ANKRD13A: variants seen among roughly 807,000 people sequenced by gnomAD.
The protein encoded by ANKRD13A is ankyrin repeat domain 13A.
A neutral mutation model predicts 81.3 loss-of-function variants in ANKRD13A; 48 were observed. The observed-to-expected ratio is 0.59, with a 90% CI of 0.47 to 0.75. The LOEUF (loss-of-function observed/expected upper bound fraction) is 0.75. ANKRD13A is among the 30% of genes least tolerant of loss of function. The pLI, the probability that ANKRD13A is intolerant of heterozygous loss-of-function variation, is 0.00. For missense variants in ANKRD13A, 612 were observed against 734.0 expected (o/e 0.83, Z 1.92); for synonymous variants, 230 against 270.1 (o/e 0.85, Z 1.45).
At chr12:110,010,576 A>T (rs1890467169) in intron 1 of ANKRD13A, among the ~76,000 whole-genome samples, 1 of 152,174 alleles carries the variant, frequency 6.6e-6, no homozygotes, top group Non-Finnish European at 1.5e-5. Flanking sequence ...CCTTGGGAAG[A>T]GTCAGGGAAT....
chr12:110,000,775 G>A (rs1253832753), intron 1 of ANKRD13A, among the ~76,000 whole-genome samples: 1 of 42,588 alleles, frequency 2.3e-5, no homozygotes, highest in Non-Finnish European at 4.7e-5. Context: ...TTTTTTTTTT[G>A]AGACTGAGTT....
chr12:110,013,555 C>T (rs1212155852), intron 3 of ANKRD13A, among the ~76,000 whole-genome samples: 2 of 151,898 alleles, frequency 1.3e-5, no homozygotes, highest in East Asian at 3.9e-4. Context: ...GGAGGATTTG[C>T]TGAAGCCCAG....
chr12:110,033,994 G>T, intron 13 of ANKRD13A, 37 bp downstream of exon 13: 1 of 1,570,766 alleles, frequency 6.4e-7, no homozygotes, highest in South Asian at 1.2e-5. Flanking sequence ...CAGGGCGTGG[G>T]AGGTCTTACC....
Position 110,009,104 on chromosome 12 carries a change from G to A in ANKRD13A, c.97-2901G>A, listed in dbSNP as rs1159592206. 2.0e-5 allele frequency among the ~76,000 whole-genome samples: 3 copies of A among 152,020 alleles called. No homozygotes were observed. The South Asian group carries it at 6.2e-4, about 32-fold the overall frequency. ...TTTATTTTATTTTATTTTTTGAGAC[G>A]AAGTTTTACTCTTGTTGCCCAGGCT... On this transcript the variant is annotated intron_variant, in intron 1 of 14. Coordinates refer to ENST00000261739, the MANE Select transcript of ANKRD13A (RefSeq NM_033121.2).
chr12:110,005,902 T>A (rs950494341), intron 1 of ANKRD13A, among the ~76,000 whole-genome samples: 3 of 152,084 alleles, frequency 2.0e-5, no homozygotes, highest in African/African-American at 7.2e-5. Context: ...CTGCAACCTC[T>A]GCCTCCTGGG....
chr12:110,014,169 T>C (rs1056703494), intron 3 of ANKRD13A, among the ~76,000 whole-genome samples: 20 of 152,088 alleles, frequency 1.3e-4, no homozygotes, highest in Non-Finnish European at 2.8e-4. Flanking sequence ...TGCCAGCACT[T>C]TGGGAGGCTG....
rs959782423 is a variant in ANKRD13A at position 110,027,357 on chromosome 12, C to T, written c.884-348C>T. 3.5e-5 allele frequency: 9 copies of T among 258,404 alleles called. No individual in the cohort carries two copies. In the South Asian group the frequency reaches 3.8e-4, roughly 11 times the overall value. The allele number at this position is 258,404 out of a possible 1,614,324, so 16.0% of individuals were successfully genotyped here. On this transcript the variant is annotated intron_variant, in intron 8 of 14. Transcript: ENST00000261739. ...TAATTGTTCACCAGCACCACCACCACCATTGCCATTACTCCACTTTGACAG... is the reference window on the plus strand; with the variant it reads ...TAATTGTTCACCAGCACCACCACCATCATTGCCATTACTCCACTTTGACAG...
At chr12:110,031,611 A>C (rs868094686) in intron 12 of ANKRD13A, among the ~76,000 whole-genome samples, 1 of 152,170 alleles carries the variant, frequency 6.6e-6, no homozygotes, top group Non-Finnish European at 1.5e-5. Context: ...TCGGCCTCCC[A>C]AAGTGCTAGT....
intron 1 of ANKRD13A, among the ~76,000 whole-genome samples, chr12:110,006,583 CT>C (rs1890252457): frequency 1.3e-5 from 2 of 151,924 alleles, no homozygotes; most frequent in Admixed American, 6.6e-5. Flanking sequence ...CAAATATTTT[CT>C]CCCATTCCAT....
intron 3 of ANKRD13A, among the ~76,000 whole-genome samples, chr12:110,016,181 G>T (rs544250267): frequency 6.6e-6 from 1 of 150,420 alleles, no homozygotes; most frequent in Admixed American, 6.6e-5. Context: ...ACTCCTGAGC[G>T]CAAGTGATCA....
intron 2 of ANKRD13A, 135 bp downstream of exon 2, chr12:110,012,272 G>C: frequency 9.5e-7 from 1 of 1,048,118 alleles, no homozygotes; most frequent in South Asian, 1.9e-5. Context: ...GGCTGAGGGG[G>C]TAGGATCACC....
Position 110,018,963 on chromosome 12 carries a change from A to G in ANKRD13A, c.545-176A>G, listed in dbSNP as rs1448324802. Reference sequence around the variant, plus strand: ...TCAGAGCTTCCTATGTGTTGTGGAAAGCTGGTCAGATAATCCCTGTGCAAA... The same window carrying G: ...TCAGAGCTTCCTATGTGTTGTGGAAGGCTGGTCAGATAATCCCTGTGCAAA... On this transcript the variant is annotated intron_variant, in intron 5 of 14. Transcript: ENST00000261739. This position sits in a 1 kb window ranked among gnomAD's most constrained non-coding sequence, Gnocchi z 4.4. Among the ~76,000 whole-genome samples, 1 of 152,234 alleles carries G rather than the reference A, an allele frequency of 6.6e-6. No individual in the cohort carries two copies. The highest frequency in any genetic ancestry group is 2.4e-5 in the African/African-American group (1 of 41,460).
chr12:110,028,762 G>A, intron 10 of ANKRD13A, 120 bp downstream of exon 10: 3 of 1,392,178 alleles, frequency 2.2e-6, no homozygotes, highest in Non-Finnish European at 2.9e-6. Context: ...TTTTCAGACG[G>A]AGTCTCGCTC....
chr12:110,003,014 G>A (rs1890060718), intron 1 of ANKRD13A, among the ~76,000 whole-genome samples: 1 of 152,158 alleles, frequency 6.6e-6, no homozygotes, highest in Non-Finnish European at 1.5e-5. Context: ...AATATTCAGT[G>A]GGGCCTTGAA....
rs552844382 is a variant in ANKRD13A, at chr12:110,038,477, C to T, written c.*923C>T. The T allele has an allele frequency of 2.6e-4, 40 of 152,642 alleles. No individual in the cohort carries two copies. The highest frequency in any genetic ancestry group is 8.9e-4 in the African/African-American group (37 of 41,504). 9.5% of individuals were successfully genotyped at this position (152,642 alleles called of 1,614,324 possible). Reference sequence around the variant, plus strand: ...GAGTGAAGGATTTCCACGTAGACACCTAGGAAGAGCCCGCATGCCCTAGAC... The same window carrying T: ...GAGTGAAGGATTTCCACGTAGACACTTAGGAAGAGCCCGCATGCCCTAGAC... On this transcript the variant is annotated 3_prime_UTR_variant, in exon 15 of 15. Coordinates refer to ENST00000261739, the MANE Select transcript of ANKRD13A (RefSeq NM_033121.2).
chr12:110,022,584 G>A lies in ANKRD13A; in HGVS notation c.735-1462G>A, dbSNP rs368097749. ...GCGCCGTCTTCCCAGCGTGCATGAA[G>A]GGTGAGGTGGAGCAGACGTAATCAT... is the stretch of plus-strand genomic sequence containing the variant. On this transcript the variant is annotated intron_variant, in intron 6 of 14. Transcript: ENST00000261739. 46 of 152,366 alleles carry A rather than the reference G, an allele frequency of 3.0e-4. No individual in the cohort carries two copies. The East Asian group carries it at 3.1e-3, about 10-fold the overall frequency. 9.4% of individuals were successfully genotyped at this position (152,366 alleles called of 1,614,324 possible). A position where few individuals can be genotyped will look rare whatever the true frequency, so the allele number is the denominator to read the frequency against.
intron 9 of ANKRD13A, 163 bp downstream of exon 9, chr12:110,027,929 G>A: frequency 3.2e-6 from 2 of 633,606 alleles, no homozygotes; most frequent in Non-Finnish European, 5.6e-6. Context: ...AATTAGATGA[G>A]TGACTCTTTG....
chr12:110,020,909 C>G (rs974919747), intron 6 of ANKRD13A, among the ~76,000 whole-genome samples: 1 of 152,192 alleles, frequency 6.6e-6, no homozygotes, highest in African/African-American at 2.4e-5. Flanking sequence ...GTCTGTGACT[C>G]TTAAGATGTC....
At chr12:110,006,682 C>T (rs562097298) in intron 1 of ANKRD13A, among the ~76,000 whole-genome samples, 66 of 151,334 alleles carry the variant, frequency 4.4e-4, no homozygotes, top group African/African-American at 1.6e-3. Context: ...CCACAACCTC[C>T]GCCTCCCAGG....
Sources: gnomAD v4.1 joint callset for allele counts (sites outside exome capture counted in the v4.1 genomes callset) on GRCh38, gnomAD v4.1.1 for gene constraint, Gnocchi (gnomAD v3.1) non-coding constraint, MANE v1.5 for transcripts, NCBI Gene and HGNC (gene_info 2026-07-23, HGNC 2026-07-21) for gene names.